BAZ2B: variants seen among roughly 807,000 people sequenced by gnomAD.
BAZ2B encodes the protein bromodomain adjacent to zinc finger domain protein 2B.
A neutral mutation model predicts 246.0 loss-of-function variants in BAZ2B; 91 were observed. The ratio of observed to expected loss-of-function variants is 0.37; its 90% CI spans 0.31 to 0.44. The LOEUF is 0.44. BAZ2B is among the 20% of genes least tolerant of loss of function. The pLI is 1.00. For missense variants in BAZ2B, 2,332 were observed against 2,533.7 expected, an observed-to-expected ratio of 0.92 and a Z score of 1.71; for synonymous variants, 855 against 860.0, an observed-to-expected ratio of 0.99 and a Z score of 0.10.
chr2:159,349,273 C>A lies in BAZ2B; in HGVS notation c.4871G>T (p.Gly1624Val), dbSNP rs767516833. 11 of 1,587,300 alleles carry A rather than the reference C, an allele frequency of 6.9e-6. 1 individual carries two copies. The South Asian group carries it at 8.1e-5, about 12-fold the overall frequency. The change falls in exon 29 of 37, where the codon GGT (glycine) becomes GTT (valine). Residue 1624 changes from glycine (G) to valine (V), a missense_variant. By Grantham distance (109) the Gly-to-Val change is moderately radical. Around this residue, in one of 9 missense-constraint regions of BAZ2B, gnomAD observed 676 missense variants for 668.6 expected, o/e 1.01. Transcript: ENST00000392783. ...PFALSPLQVK[G>V]GVSMMGLQFC... Reference sequence around the variant, plus strand: ...CTGAAGTCCCATCATAGATACTCCACCTTTCACCTGCAAAAAGAAAACATT... The same window carrying A: ...CTGAAGTCCCATCATAGATACTCCAACTTTCACCTGCAAAAAGAAAACATT...
At chr2:159,557,769 T>C (rs1457016011) in intron 1 of BAZ2B, among the ~76,000 whole-genome samples, 1 of 152,218 alleles carries the variant, frequency 6.6e-6, no homozygotes, top group Non-Finnish European at 1.5e-5. Context: ...ATCAAGTTCC[T>C]ACTGCATCCA....
At chr2:159,387,464 T>C (rs2062779451) in intron 21 of BAZ2B, among the ~76,000 whole-genome samples, 1 of 152,190 alleles carries the variant, frequency 6.6e-6, no homozygotes, top group African/African-American at 2.4e-5. Flanking sequence ...AATATTTCTA[T>C]TTATCTGAAT....
the BAZ2B span, among the ~76,000 whole-genome samples, chr2:159,668,874 T>C: frequency 6.6e-6 from 1 of 152,008 alleles, no homozygotes; most frequent in Non-Finnish European, 1.5e-5. Flanking sequence ...CTGGGCAACA[T>C]GGCGAAACCC....
At chr2:159,389,653 CCTAGA>C (rs2063093120) in intron 20 of BAZ2B, among the ~76,000 whole-genome samples, 168 bp from the exon 21 acceptor site, 2 of 151,984 alleles carry the variant, frequency 1.3e-5, no homozygotes, top group Non-Finnish European at 2.9e-5. Flanking sequence ...TTAGATTTGA[CCTAGA>C]CTATTTTGTT....
At chr2:159,428,196 A>G in intron 12 of BAZ2B, 115 bp downstream of exon 12, 1 of 1,101,932 alleles carries the variant, frequency 9.1e-7, no homozygotes, top group East Asian at 2.4e-5. Context: ...ATAGTCCCAT[A>G]CAAGAGAATA....
the BAZ2B span, among the ~76,000 whole-genome samples, chr2:159,666,520 A>G: frequency 1.3e-5 from 2 of 152,112 alleles, no homozygotes; most frequent in African/African-American, 4.8e-5. Context: ...CTCAGCCTCC[A>G]AAGTGCTGGG....
the BAZ2B span, among the ~76,000 whole-genome samples, chr2:159,672,383 A>G: frequency 2.6e-5 from 4 of 152,226 alleles, no homozygotes; most frequent in Non-Finnish European, 5.9e-5. Flanking sequence ...TCACCCACAT[A>G]AACAATGTTC....
chr2:159,462,578 T>C (rs56015441), intron 3 of BAZ2B: 53,031 of 874,414 alleles, frequency 0.061, 2,307 homozygotes, highest in African/African-American at 0.14. Context: ...AATAAACTCC[T>C]TGGCAGTTTG....
chr2:159,342,439 C>A (rs1297995081), intron 31 of BAZ2B, among the ~76,000 whole-genome samples: 1 of 152,186 alleles, frequency 6.6e-6, no homozygotes, highest in African/African-American at 2.4e-5. Flanking sequence ...GCACGTGTCA[C>A]TACGCCCACC....
In BAZ2B at chr2:159,614,492, CG is replaced by C. The variant is rs1199175563; in HGVS notation, c.-46+1749del. 2.0e-4 allele frequency among the ~76,000 whole-genome samples: 31 copies of C among 151,720 alleles called. 1 individual carries two copies. The highest frequency in any genetic ancestry group is 2.1e-4 in the South Asian group (1 of 4,820). ...AAACCCCAGAACATTTTATTAGAAA[CG>C]GGGAGCCAGATAATCTAAAATAACC... On this transcript the variant is annotated intron_variant, in intron 1 of 36. Transcript: ENST00000392783.
the BAZ2B span, among the ~76,000 whole-genome samples, chr2:159,666,841 C>T: frequency 3.3e-5 from 5 of 151,434 alleles, 1 homozygote; most frequent in Non-Finnish European, 5.9e-5. Flanking sequence ...GGCAACAGAG[C>T]GAAGACTCCA....
At chr2:159,704,663 A>T in the BAZ2B span, among the ~76,000 whole-genome samples, 1 of 151,492 alleles carries the variant, frequency 6.6e-6, no homozygotes, top group Non-Finnish European at 1.5e-5. Context: ...TTGTATTTTT[A>T]GTAGAGATGG....
chr2:159,525,267 CT>C (rs1446730653), intron 2 of BAZ2B, among the ~76,000 whole-genome samples: 1 of 152,130 alleles, frequency 6.6e-6, no homozygotes, highest in East Asian at 1.9e-4. Context: ...CTGAAAAGCA[CT>C]GGATATATTC....
intron 25 of BAZ2B, among the ~76,000 whole-genome samples, chr2:159,380,085 CT>C (rs2061827462): frequency 6.6e-6 from 1 of 152,134 alleles, no homozygotes; most frequent in Middle Eastern, 3.2e-3. Context: ...GCTCCTTCAC[CT>C]TGATTGAAGC....
At chr2:159,642,026 G>C in the BAZ2B span, among the ~76,000 whole-genome samples, 1 of 151,822 alleles carries the variant, frequency 6.6e-6, no homozygotes, top group Admixed American at 6.6e-5. Context: ...ATCTAATTCT[G>C]AAATTTTTCT....
intron 13 of BAZ2B, among the ~76,000 whole-genome samples, chr2:159,420,882 A>G (rs2068624950): frequency 6.6e-6 from 1 of 152,202 alleles, no homozygotes; most frequent in Admixed American, 6.5e-5. Context: ...AAATTTATTT[A>G]CCTTACACCA....
chr2:159,473,032 A>G (rs1047970038), intron 3 of BAZ2B, among the ~76,000 whole-genome samples: 3 of 151,892 alleles, frequency 2.0e-5, no homozygotes, highest in South Asian at 2.1e-4. Flanking sequence ...CTCTTTTTCT[A>G]TTGTTTGGAA....
intron 2 of BAZ2B, among the ~76,000 whole-genome samples, chr2:159,524,728 A>G (rs2084539646): frequency 6.6e-6 from 1 of 152,210 alleles, no homozygotes; most frequent in Non-Finnish European, 1.5e-5. Flanking sequence ...AAAATTACAT[A>G]ATTTTTTTGT....
At chr2:159,678,313 A>G in the BAZ2B span, among the ~76,000 whole-genome samples, 2 of 152,212 alleles carry the variant, frequency 1.3e-5, no homozygotes, top group African/African-American at 4.8e-5. Context: ...ACCATAATAG[A>G]GCAGTATCAA....
Sources: gnomAD v4.1 joint callset for allele counts (sites outside exome capture counted in the v4.1 genomes callset) on GRCh38, gnomAD v4.1.1 for gene constraint, gnomAD v4.1.1 regional missense constraint, MANE v1.5 for transcripts, NCBI Gene and HGNC (gene_info 2026-07-23, HGNC 2026-07-21) for gene names.